Variants in CCR5AS observed in about 807,000 individuals in gnomAD.
CCR5AS encodes CCR5 antisense RNA.
chr3:46,381,036 T>C (rs576303311), intron 2 of CCR5AS, among the ~76,000 whole-genome samples: 24 of 152,312 alleles, frequency 1.6e-4, no homozygotes, highest in African/African-American at 5.1e-4. Context: ...CTAGACTTCA[T>C]TGGCAATACC....
chr3:46,396,602 T>C (rs1396840772), intron 1 of CCR5AS, among the ~76,000 whole-genome samples: 3 of 152,208 alleles, frequency 2.0e-5, no homozygotes, highest in Non-Finnish European at 4.4e-5. Context: ...CTCCCCTTTC[T>C]GGGAACTGGA....
chr3:46,382,238 AC>A (rs1157300514), intron 2 of CCR5AS, among the ~76,000 whole-genome samples: 2 of 152,192 alleles, frequency 1.3e-5, no homozygotes, highest in African/African-American at 2.4e-5. Context: ...CAGGTAGAGA[AC>A]CCTTCTGCAT....
chr3:46,373,438 G>A (rs779454060), intron 2 of CCR5AS: 7 of 1,611,578 alleles, frequency 4.3e-6, no homozygotes, highest in Non-Finnish European at 5.1e-6. Context: ...TACACCTGCA[G>A]CTCTCATTTT....
chr3:46,404,014 C>G (rs1027505167), intron 1 of CCR5AS, among the ~76,000 whole-genome samples: 2 of 152,298 alleles, frequency 1.3e-5, no homozygotes, highest in Non-Finnish European at 1.5e-5. Context: ...TTATGGGGTC[C>G]AGCTCTAGAC....
intron 1 of CCR5AS, among the ~76,000 whole-genome samples, chr3:46,394,081 T>A (rs550381810): frequency 4.6e-5 from 7 of 152,296 alleles, no homozygotes; most frequent in African/African-American, 1.4e-4. Flanking sequence ...GCGTTTCAGT[T>A]CTCAGCAGAG....
intron 1 of CCR5AS, among the ~76,000 whole-genome samples, chr3:46,398,825 A>C (rs972074354): frequency 2.4e-4 from 37 of 152,068 alleles, no homozygotes; most frequent in Non-Finnish European, 1.2e-4. Flanking sequence ...ATTGGAGAGT[A>C]TTAGACAATT....
chr3:46,377,333 CTG>C (rs773227121), intron 2 of CCR5AS, among the ~76,000 whole-genome samples: 2 of 152,164 alleles, frequency 1.3e-5, no homozygotes, highest in African/African-American at 2.4e-5. Context: ...TTCACCAACT[CTG>C]GGGTGAACGT....
chr3:46,395,400 C>T (rs562465698), intron 1 of CCR5AS, among the ~76,000 whole-genome samples: 87 of 152,036 alleles, frequency 5.7e-4, no homozygotes, highest in Non-Finnish European at 8.7e-4. Flanking sequence ...AAGCAGAACC[C>T]GGAGGAATGC....
intron 2 of CCR5AS, chr3:46,374,979 G>T (rs1800874): frequency 0.3 from 50,173 of 167,170 alleles, 8,477 homozygotes; most frequent in East Asian, 0.55. Context: ...GTGGATTTGG[G>T]TTGGAAGTGA....
Position 46,403,419 on chromosome 3 carries a change from C to T in CCR5AS, n.163+3478G>A, listed in dbSNP as rs1702019040. ...GCATACAGTCAAGACAGAAACCACACATGAACATTAAATATAATGAGTTAT... is the reference window on the plus strand; with the variant it reads ...GCATACAGTCAAGACAGAAACCACATATGAACATTAAATATAATGAGTTAT... On this transcript the variant is annotated intron_variant and non_coding_transcript_variant, in intron 1 of 3. Coordinates refer to ENST00000451485, the Ensembl canonical transcript of CCR5AS. 4.6e-5 allele frequency among the ~76,000 whole-genome samples: 7 copies of T among 152,260 alleles called. No homozygotes were observed. In the South Asian group the frequency reaches 1.4e-3, roughly 32 times the overall value.
chr3:46,376,777 G>A (rs563158960), intron 2 of CCR5AS, among the ~76,000 whole-genome samples: 1 of 152,318 alleles, frequency 6.6e-6, no homozygotes, highest in South Asian at 2.1e-4. Context: ...TGCTACAGGT[G>A]GAGGGGACCC....
At chr3:46,401,275 G>A (rs971613486) in intron 1 of CCR5AS, among the ~76,000 whole-genome samples, 1 of 152,220 alleles carries the variant, frequency 6.6e-6, no homozygotes, top group African/African-American at 2.4e-5. Flanking sequence ...ATGCTGCAAA[G>A]TGTATTACTT....
At chr3:46,397,896 G>C (rs575679067) in intron 1 of CCR5AS, among the ~76,000 whole-genome samples, 3 of 152,270 alleles carry the variant, frequency 2.0e-5, no homozygotes, top group Admixed American at 1.3e-4. Flanking sequence ...AGATCATTTC[G>C]GTCACTGTCT....
intron 3 of CCR5AS, chr3:46,371,148 A>G (rs1701655286): frequency 6.6e-6 from 1 of 152,242 alleles, no homozygotes; most frequent in Non-Finnish European, 1.5e-5. Flanking sequence ...GTTTGGAATG[A>G]GTTTCAGACG....
chr3:46,366,468 C>T (rs1377693269), intron 3 of CCR5AS, among the ~76,000 whole-genome samples: 1 of 152,152 alleles, frequency 6.6e-6, no homozygotes, highest in Non-Finnish European at 1.5e-5. Flanking sequence ...GAAAGAAATC[C>T]CCTAAATGCA....
At chr3:46,377,172 T>A (rs944289130) in intron 2 of CCR5AS, among the ~76,000 whole-genome samples, 1 of 152,210 alleles carries the variant, frequency 6.6e-6, no homozygotes, top group Non-Finnish European at 1.5e-5. Flanking sequence ...CGTTTTTCCT[T>A]TTCCATCTTA....
intron 2 of CCR5AS, among the ~76,000 whole-genome samples, chr3:46,383,052 T>C (rs970474390): frequency 1.3e-5 from 2 of 152,204 alleles, no homozygotes; most frequent in African/African-American, 2.4e-5. Context: ...CTTCTTCAGA[T>C]TAGGATGTGC....
intron 2 of CCR5AS, among the ~76,000 whole-genome samples, chr3:46,386,801 T>C (rs940943971): frequency 6.6e-6 from 1 of 152,200 alleles, no homozygotes; most frequent in Non-Finnish European, 1.5e-5. Context: ...AGAGTCCTTA[T>C]CTCTTAAGGA....
intron 1 of CCR5AS, among the ~76,000 whole-genome samples, chr3:46,394,588 T>A (rs976298843): frequency 6.6e-6 from 1 of 152,026 alleles, no homozygotes; most frequent in Admixed American, 6.6e-5. Context: ...AGAACATGTC[T>A]CACATCCCCC....
Sources: gnomAD v4.1 joint callset for allele counts (sites outside exome capture counted in the v4.1 genomes callset) on GRCh38, gnomAD v4.1.1 for gene constraint, MANE v1.5 for transcripts, NCBI Gene and HGNC (gene_info 2026-07-23, HGNC 2026-07-21) for gene names.